Variants in CLTA observed in about 807,000 individuals in gnomAD.
CLTA encodes the protein clathrin, light polypeptide (Lca).
In CLTA, 9 loss-of-function variants were observed where a neutral mutation model predicts 26.9. The observed-to-expected ratio is 0.33, with a 90% CI of 0.20 to 0.58. The LOEUF (loss-of-function observed/expected upper bound fraction) is 0.58, where lower values mean the gene tolerates loss of function less well. Ranked by LOEUF, CLTA falls within the 20% of genes least tolerant of loss-of-function variation. CLTA has a pLI of 0.85. For synonymous variants in CLTA, 120 were observed against 115.5 expected, an observed-to-expected ratio of 1.04 and a Z score of -0.25; for missense variants, 278 against 294.2, an observed-to-expected ratio of 0.94 and a Z score of 0.40.
At chr9:36,193,081 G>T (rs1046376743) in intron 1 of CLTA, among the ~76,000 whole-genome samples, 10 of 152,344 alleles carry the variant, frequency 6.6e-5, no homozygotes, top group African/African-American at 2.4e-4. Context: ...GTAAAAGGGA[G>T]AGAATAGAGT....
chr9:36,208,515 T>C (rs1051155210), intron 4 of CLTA, among the ~76,000 whole-genome samples: 8 of 152,210 alleles, frequency 5.3e-5, no homozygotes, highest in African/African-American at 1.7e-4. Flanking sequence ...CCTAGTCCAG[T>C]GTTCTTCCCA....
intron 1 of CLTA, among the ~76,000 whole-genome samples, chr9:36,193,891 G>A (rs536289345): frequency 1.2e-4 from 18 of 152,280 alleles, no homozygotes; most frequent in Non-Finnish European, 2.4e-4. Context: ...AGCTGTGGGG[G>A]ATATTGAGGA....
chr9:36,200,362 C>T (rs1296838280), intron 3 of CLTA, among the ~76,000 whole-genome samples: 1 of 152,068 alleles, frequency 6.6e-6, no homozygotes, highest in Non-Finnish European at 1.5e-5. Context: ...TTTTGGCTGA[C>T]CTACTTTAAG....
At chr9:36,202,086 G>A (rs1477828358) in intron 3 of CLTA, among the ~76,000 whole-genome samples, 1 of 152,128 alleles carries the variant, frequency 6.6e-6, no homozygotes, top group Admixed American at 6.6e-5. Flanking sequence ...AGTACAGCCT[G>A]GGCTACAGAG....
intron 4 of CLTA, chr9:36,209,348 T>C: frequency 1.3e-6 from 2 of 1,485,606 alleles, no homozygotes; most frequent in African/African-American, 1.4e-5. Flanking sequence ...TTCCTTTTTC[T>C]ACATCTGATT....
At chr9:36,193,143 A>G (rs191589860) in intron 1 of CLTA, among the ~76,000 whole-genome samples, 20 of 152,314 alleles carry the variant, frequency 1.3e-4, no homozygotes, top group Non-Finnish European at 2.1e-4. Flanking sequence ...AAGGAAAGAA[A>G]TGGTTGCTGA....
intron 2 of CLTA, among the ~76,000 whole-genome samples, 160 bp downstream of exon 2, chr9:36,197,748 G>T (rs1254703421): frequency 1.3e-5 from 2 of 152,168 alleles, no homozygotes; most frequent in African/African-American, 4.8e-5. Context: ...TTAAAGAGAG[G>T]TAGCATTGAT....
chr9:36,206,490 A>C (rs1827731744), intron 4 of CLTA, among the ~76,000 whole-genome samples: 1 of 152,056 alleles, frequency 6.6e-6, no homozygotes, highest in Non-Finnish European at 1.5e-5. Flanking sequence ...CCCCCTCTCC[A>C]TCCATGTTTG....
intron 4 of CLTA, chr9:36,209,359 C>A: frequency 6.8e-7 from 1 of 1,463,418 alleles, no homozygotes; most frequent in Non-Finnish European, 9.6e-7. Flanking sequence ...ACATCTGATT[C>A]TTTCTACTTT....
intron 2 of CLTA, 104 bp from the exon 3 acceptor site, chr9:36,198,874 CA>C (rs374265014): frequency 0.11 from 47,856 of 449,728 alleles, 96 homozygotes; most frequent in African/African-American, 0.13. Flanking sequence ...AACTCTGTCT[CA>C]AAAAAAAAAA....
intron 2 of CLTA, among the ~76,000 whole-genome samples, chr9:36,198,061 A>C (rs7037073): frequency 0.1 from 14,061 of 138,982 alleles, 903 homozygotes; most frequent in South Asian, 0.19. Flanking sequence ...CAGTGGCACG[A>C]TCTTGTCTCA....
chr9:36,192,256 A>G (rs907455903), intron 1 of CLTA, among the ~76,000 whole-genome samples: 3 of 152,228 alleles, frequency 2.0e-5, no homozygotes, highest in Non-Finnish European at 4.4e-5. Context: ...GGAGCCAGGT[A>G]GGTAACATAT....
At chr9:36,211,134 T>G (rs889145097) in intron 4 of CLTA, among the ~76,000 whole-genome samples, 1 of 152,234 alleles carries the variant, frequency 6.6e-6, no homozygotes, top group Non-Finnish European at 1.5e-5. Context: ...CCTTTTGATC[T>G]GCCCCGTTTC....
At chr9:36,206,208 C>T (rs980246335) in intron 4 of CLTA, among the ~76,000 whole-genome samples, 3 of 152,196 alleles carry the variant, frequency 2.0e-5, no homozygotes, top group African/African-American at 7.2e-5. Flanking sequence ...AGAGAAGGAA[C>T]TTCCCCACTG....
In CLTA at chr9:36,191,274, G is replaced by C; in HGVS notation, c.217+1G>C. ...CACGGCGAGCCGCCGGGGGGTCCGG[G>C]TGAGAGTGCGGGCGCGTTTGGGGCG... On this transcript the variant is annotated splice_donor_variant, in intron 1 of 4. Transcript: ENST00000345519. LOFTEE classifies it high-confidence loss of function. The C allele has an allele frequency of 6.6e-7, 1 of 1,517,164 alleles. No homozygotes were observed. Among genetic ancestry groups the C allele is most frequent in the Non-Finnish European group, 8.8e-7 (1 of 1,138,618 alleles). 94.0% of individuals were successfully genotyped at this position (1,517,164 alleles called of 1,614,324 possible).
At chr9:36,203,836 C>G (rs1329444288) in intron 3 of CLTA, among the ~76,000 whole-genome samples, 1 of 152,048 alleles carries the variant, frequency 6.6e-6, no homozygotes, top group Non-Finnish European at 1.5e-5. Flanking sequence ...GGGATAAGAC[C>G]AGGAATAGGA....
chr9:36,210,622 A>G, intron 4 of CLTA: 2 of 1,614,140 alleles, frequency 1.2e-6, no homozygotes, highest in Non-Finnish European at 1.7e-6. Context: ...CTTCACCTTT[A>G]AGCACAAACA....
intron 3 of CLTA, among the ~76,000 whole-genome samples, chr9:36,201,529 T>C (rs1827403149): frequency 6.6e-6 from 1 of 152,220 alleles, no homozygotes; most frequent in Admixed American, 6.5e-5. Flanking sequence ...GTAACCACAG[T>C]CTGTTCAGGA....
chr9:36,207,401 C>T (rs914043881), intron 4 of CLTA, among the ~76,000 whole-genome samples: 1 of 152,234 alleles, frequency 6.6e-6, no homozygotes, highest in Non-Finnish European at 1.5e-5. Context: ...TCAGCTCTTT[C>T]AAGGCTTGAG....
Sources: allele counts gnomAD v4.1 joint callset (sites outside exome capture counted in the v4.1 genomes callset), GRCh38; gene constraint gnomAD v4.1.1; transcripts MANE v1.5; gene names NCBI Gene and HGNC (gene_info 2026-07-23, HGNC 2026-07-21).